Variants in P2RX6 observed in about 807,000 individuals in gnomAD.
P2RX6 encodes the protein purinergic receptor P2X 6, also known as P2X purinoceptor 6.
P2RX6 carries 62 observed loss-of-function variants against 54.2 expected under a neutral mutation model. The observed-to-expected ratio is 1.14, with a 90% CI of 0.93 to 1.41. The LOEUF (loss-of-function observed/expected upper bound fraction) is 1.41, where lower values mean the gene tolerates loss of function less well. P2RX6 is among the 40% of genes most tolerant of loss of function. The probability of loss-of-function intolerance (pLI) is 0.00; values close to 1 mark genes in which losing one functional copy is unlikely to be tolerated. For synonymous variants in P2RX6, 211 were observed against 231.9 expected (o/e 0.91, Z 0.82); for missense variants, 541 against 566.3 (o/e 0.96, Z 0.45).
At position 21,026,448 on chromosome 22, in the gene P2RX6, C is replaced by T. The variant is rs769433710; in HGVS notation, c.1157C>T (p.Ser386Phe). The T allele has an allele frequency of 6.2e-7, 1 of 1,603,548 alleles. No individual in the cohort carries two copies. The highest frequency in any genetic ancestry group is 8.5e-7 in the Non-Finnish European group (1 of 1,175,484). Residue 386 changes from serine (S) to phenylalanine (F), a missense_variant, in exon 12 of 12, where the codon TCT becomes TTT. Physicochemically the swap from Ser to Phe is radical, Grantham distance 155. Around this residue, in one of 2 missense-constraint regions of P2RX6, gnomAD observed 526 missense variants for 531.5 expected, o/e 0.99. Transcript: ENST00000413302. This position sits in a 1 kb window ranked among gnomAD's most constrained non-coding sequence, Gnocchi z 4.0. ...EAKAPKATAN[S>F]VWRELALASQ... ...AAGGCCCCGAAAGCAACCGCCAACT[C>T]TGTGTGGAGGGAGCTGGCCCTTGCA...
intron 8 of P2RX6, among the ~76,000 whole-genome samples, chr22:21,025,208 C>T (rs1928208888): frequency 6.6e-6 from 1 of 152,130 alleles, no homozygotes; most frequent in Non-Finnish European, 1.5e-5. Context: ...CATTTATTAT[C>T]ATGTCTTTGA....
Position 21,018,205 on chromosome 22 carries a change from C to T in P2RX6, c.387+145C>T, listed in dbSNP as rs1380375761. On this transcript the variant is annotated intron_variant, in intron 3 of 11. Coordinates refer to ENST00000413302, the MANE Select transcript of P2RX6 (RefSeq NM_005446.5). ...CCCAGGCACTGGGCTACATCTTTTCCTGAATCATTATGTTCAGTCTTCACA... is the reference window on the plus strand; with the variant it reads ...CCCAGGCACTGGGCTACATCTTTTCTTGAATCATTATGTTCAGTCTTCACA... 16 of 675,374 alleles carry T rather than the reference C, an allele frequency of 2.4e-5. No individual in the cohort carries two copies. The African/African-American group carries it at 2.9e-4, about 12-fold the overall frequency. The allele number at this position is 675,374 out of a possible 1,614,324, so 41.8% of individuals were successfully genotyped here.
chr22:21,014,675 T>C (rs1004648493), upstream of P2RX6, among the ~76,000 whole-genome samples: 1 of 152,180 alleles, frequency 6.6e-6, no homozygotes, highest in African/African-American at 2.4e-5. Flanking sequence ...GGTCACCCTC[T>C]CACTCTGTGC....
chr22:21,017,814 A>G (rs1277345645), intron 2 of P2RX6, 175 bp from the exon 3 acceptor site: 3 of 688,414 alleles, frequency 4.4e-6, no homozygotes, highest in Non-Finnish European at 8.1e-6. Flanking sequence ...CCTGGTCTCA[A>G]AAATGGCCAG....
chr22:21,014,955 A>G (rs1465782995), upstream of P2RX6: 2 of 476,252 alleles, frequency 4.2e-6, no homozygotes, highest in African/African-American at 2.0e-5. Flanking sequence ...GGGCAGGGAC[A>G]GAGCTGCTGC....
intron 3 of P2RX6, among the ~76,000 whole-genome samples, chr22:21,022,399 G>T (rs1403006781): frequency 6.6e-6 from 1 of 152,136 alleles, no homozygotes; most frequent in African/African-American, 2.4e-5. Flanking sequence ...TGAAAAAGGA[G>T]GAAAGGGGTC....
chr22:21,014,021 A>G (rs1049144106), upstream of P2RX6: 3 of 152,834 alleles, frequency 2.0e-5, no homozygotes, highest in African/African-American at 7.3e-5. Flanking sequence ...ACCTCCCACA[A>G]CCCCTGCGGG....
intron 1 of P2RX6, chr22:21,010,019 G>A (rs1925650382): frequency 6.6e-6 from 1 of 152,276 alleles, no homozygotes; most frequent in Admixed American, 6.5e-5. Flanking sequence ...ACACACCCCT[G>A]CAACTGCCAA....
At position 21,015,284 on chromosome 22, in the gene P2RX6, G is replaced by T. The variant is rs373231366; in HGVS notation, c.110G>T (p.Arg37Leu). 4.5e-6 allele frequency: 7 copies of T among 1,555,264 alleles called. No homozygotes were observed. In the African/African-American group the frequency reaches 1.0e-4, roughly 22 times the overall value. Residue 37 changes from arginine to leucine, a missense_variant, in exon 1 of 12, where the codon CGG becomes CTG. Transcript: ENST00000413302. Reference protein sequence around the residue: ...TEKYVMTRNWRVGALQRLLQF... With the variant: ...TEKYVMTRNWLVGALQRLLQF... ...AAGTATGTGATGACCAGGAACTGGC[G>T]GGTGGGCGCCCTGCAGAGGCTGCTG...
intron 2 of P2RX6, among the ~76,000 whole-genome samples, chr22:21,016,423 A>G (rs1926393772): frequency 6.6e-6 from 1 of 152,030 alleles, no homozygotes; most frequent in Admixed American, 6.6e-5. Flanking sequence ...CCCCATCTCT[A>G]TTAAAAATAC....
At chr22:21,014,954 C>T, upstream of P2RX6, 1 of 477,374 alleles carries the variant, frequency 2.1e-6, no homozygotes, top group South Asian at 3.5e-5. Flanking sequence ...AGGGCAGGGA[C>T]AGAGCTGCTG....
Position 21,026,826 on chromosome 22 carries a change from AC to A in P2RX6, c.*212del. 1 of 1,030,856 alleles carries A rather than the reference AC, an allele frequency of 9.7e-7. No individual in the cohort carries two copies. The highest frequency in any genetic ancestry group is 1.7e-5 in the South Asian group (1 of 57,922). The allele number at this position is 1,030,856 out of a possible 1,614,324, so 63.9% of individuals were successfully genotyped here. A position where few individuals can be genotyped will look rare whatever the true frequency, so the allele number is the denominator to read the frequency against. On this transcript the variant is annotated 3_prime_UTR_variant, in exon 12 of 12. Transcript: ENST00000413302. The surrounding 1 kb of genome is among the most constrained non-coding windows in gnomAD (Gnocchi z 4.0). ...TGTTTTGAGACGGCGACAGAACCTGACCCGTGGAGACTGGGAGAGCCCAGCA... is the reference window on the plus strand; with the variant it reads ...TGTTTTGAGACGGCGACAGAACCTGACCGTGGAGACTGGGAGAGCCCAGCA...
intron 8 of P2RX6, among the ~76,000 whole-genome samples, chr22:21,024,878 G>GTGTGT (rs58685165): frequency 9.0e-6 from 1 of 110,758 alleles, no homozygotes; most frequent in African/African-American, 3.5e-5. Flanking sequence ...TTTTTTTTGT[G>GTGTGT]TTTTTTTTTT....
chr22:21,015,792 TG>T, intron 1 of P2RX6, 149 bp from the exon 2 acceptor site: 1 of 727,116 alleles, frequency 1.4e-6, no homozygotes, highest in Non-Finnish European at 2.3e-6. Context: ...GGGTCTGGAG[TG>T]GGAAGTGGGG....
intron 3 of P2RX6, chr22:21,018,839 T>G (rs2148028148): frequency 6.6e-6 from 1 of 151,820 alleles, no homozygotes; most frequent in South Asian, 2.1e-4. Flanking sequence ...GCCAGGATGG[T>G]CTCCATCTCC....
chr22:21,016,563 T>C (rs558354402), intron 2 of P2RX6, among the ~76,000 whole-genome samples: 1 of 132,668 alleles, frequency 7.5e-6, no homozygotes, highest in South Asian at 2.4e-4. Context: ...CACTCCAGCC[T>C]GGGTGGCAAA....
Position 21,025,814 on chromosome 22 carries a change from TCA to T in P2RX6, c.902_903del (p.His301LeufsTer55). On this transcript the variant is annotated frameshift_variant, in exon 9 of 12. Coordinates refer to ENST00000413302, the MANE Select transcript of P2RX6 (RefSeq NM_005446.5). LOFTEE classifies it high-confidence loss of function. ...TCTTTCCTGCCCACAGGACAGCCACTCACTGGTGGGAGCAACCGGGTGTGGAG... is the reference window on the plus strand; with the variant it reads ...TCTTTCCTGCCCACAGGACAGCCACTCTGGTGGGAGCAACCGGGTGTGGAG... ...EKSYNFRTAT[H>X]WWEQPGVEAR... 6.4e-7 allele frequency: 1 copy of T among 1,559,050 alleles called. No homozygotes were observed. The highest frequency in any genetic ancestry group is 8.7e-7 in the Non-Finnish European group (1 of 1,151,682).
intron 2 of P2RX6, among the ~76,000 whole-genome samples, chr22:21,016,732 C>A (rs1438587792): frequency 6.6e-6 from 1 of 152,052 alleles, no homozygotes; most frequent in Non-Finnish European, 1.5e-5. Flanking sequence ...TAGCCCTGCT[C>A]CCTGACCTGG....
intron 8 of P2RX6, 119 bp downstream of exon 8, chr22:21,023,737 G>C: frequency 1.4e-6 from 1 of 717,144 alleles, no homozygotes; most frequent in South Asian, 1.7e-5. Context: ...GTGCAAGGGG[G>C]TCCCAGGAGC....
Sources: allele counts gnomAD v4.1 joint callset (sites outside exome capture counted in the v4.1 genomes callset), GRCh38; gene constraint gnomAD v4.1.1; regional missense constraint gnomAD v4.1.1; non-coding constraint Gnocchi (gnomAD v3.1); transcripts MANE v1.5; gene names NCBI Gene and HGNC (gene_info 2026-07-23, HGNC 2026-07-21).